SPTB: variants seen among roughly 807,000 people sequenced by gnomAD.
The protein encoded by SPTB is spectrin beta chain, erythrocytic.
In SPTB, 45 loss-of-function variants were observed where a neutral mutation model predicts 256.2. That is an observed-to-expected ratio of 0.18 (90% confidence interval 0.14 to 0.23). The LOEUF (loss-of-function observed/expected upper bound fraction) is 0.23, where lower values mean the gene tolerates loss of function less well. Ranked by LOEUF, SPTB falls within the 10% of genes least tolerant of loss-of-function variation. The pLI is 1.00. For synonymous variants in SPTB, 1,231 were observed against 1,243.1 expected, an observed-to-expected ratio of 0.99 and a Z score of 0.21; for missense variants, 2,715 against 3,040.4, an observed-to-expected ratio of 0.89 and a Z score of 2.52.
chr14:64,778,942 T>A lies in SPTB; in HGVS notation c.4563+215A>T, dbSNP rs2082412774. On this transcript the variant is annotated intron_variant, in intron 22 of 35. Coordinates refer to ENST00000644917, the MANE Select transcript of SPTB (RefSeq NM_001355436.2). The surrounding 1 kb of genome is among the most constrained non-coding windows in gnomAD (Gnocchi z 5.2). The stretch of plus-strand genomic sequence containing the variant: ...GCCCTGAATCCCCAACTACCTCCCC[T>A]CCTCTGTGATCCTCCCAGAATTTGC... 1.3e-5 allele frequency among the ~76,000 whole-genome samples: 2 copies of A among 151,954 alleles called. No individual in the cohort carries two copies. The highest frequency in any genetic ancestry group is 2.9e-5 in the Non-Finnish European group (2 of 67,984).
In SPTB at chr14:64,786,010, C is replaced by T; in HGVS notation, c.3562-59G>A. 6.4e-7 allele frequency: 1 copy of T among 1,570,998 alleles called. No individual in the cohort carries two copies. Among genetic ancestry groups the T allele is most frequent in the Non-Finnish European group, 8.7e-7 (1 of 1,146,046 alleles). ...ACACACGGAGGAGGTGATGAGCACACCTCCCAAGTGGGAGCACCACGTGCA... is the reference window on the plus strand; with the variant it reads ...ACACACGGAGGAGGTGATGAGCACATCTCCCAAGTGGGAGCACCACGTGCA... On this transcript the variant is annotated intron_variant, in intron 16 of 35. Transcript: ENST00000644917. This position sits in a 1 kb window ranked among gnomAD's most constrained non-coding sequence, Gnocchi z 5.6.
chr14:64,786,253 C>T lies in SPTB; in HGVS notation c.3561+151G>A. ...TGGGACACAAGGCTGGAAAAGGCCC[C>T]TAATGAGAAACAAAGATTTCCCCCA... On this transcript the variant is annotated intron_variant, in intron 16 of 35. Coordinates refer to ENST00000644917, the MANE Select transcript of SPTB (RefSeq NM_001355436.2). The surrounding 1 kb of genome is among the most constrained non-coding windows in gnomAD (Gnocchi z 5.6). 2 of 1,212,284 alleles carry T rather than the reference C, an allele frequency of 1.6e-6. No individual in the cohort carries two copies. Among genetic ancestry groups the T allele is most frequent in the South Asian group, 1.2e-5 (1 of 81,660 alleles). The allele number at this position is 1,212,284 out of a possible 1,614,324, so 75.1% of individuals were successfully genotyped here.
At chr14:64,768,295 C>G (rs1033866675) in intron 29 of SPTB, 29 of 267,630 alleles carry the variant, frequency 1.1e-4, no homozygotes, top group African/African-American at 5.5e-4. Context: ...CTGCCTTGGC[C>G]TCCCAAAGTG....
intron 1 of SPTB, among the ~76,000 whole-genome samples, chr14:64,868,684 G>C (rs961392245): frequency 6.6e-6 from 1 of 152,230 alleles, no homozygotes; most frequent in African/African-American, 2.4e-5. Flanking sequence ...AGCCCAGAGA[G>C]GGCAGAGGTT....
intron 9 of SPTB, 24 bp from the exon 10 acceptor site, chr14:64,797,870 A>T: frequency 6.3e-7 from 1 of 1,596,094 alleles, no homozygotes; most frequent in Non-Finnish European, 8.6e-7. Context: ...AGAAGTAGGA[A>T]GACTGATGTT....
chr14:64,750,190 T>C (rs968693953), intron 33 of SPTB, 36 bp from the exon 34 acceptor site: 9 of 1,602,572 alleles, frequency 5.6e-6, no homozygotes, highest in Non-Finnish European at 6.8e-6. Context: ...ACCCACATCC[T>C]GATATGGTAT....
In SPTB at chr14:64,806,482, A is replaced by G. The variant is rs2082986783; in HGVS notation, c.149-1392T>C. ...TGTGCTCGACTGAGCCTCAACCGTG[A>G]AAGGGCTGGCTTTTTAAATTATTAA... On this transcript the variant is annotated intron_variant, in intron 2 of 35. Coordinates refer to ENST00000644917, the MANE Select transcript of SPTB (RefSeq NM_001355436.2). The surrounding 1 kb of genome is among the most constrained non-coding windows in gnomAD (Gnocchi z 4.1). 1.3e-5 allele frequency among the ~76,000 whole-genome samples: 2 copies of G among 152,372 alleles called. No individual in the cohort carries two copies. The highest frequency in any genetic ancestry group is 1.9e-4 in the East Asian group (1 of 5,194).
intron 1 of SPTB, among the ~76,000 whole-genome samples, chr14:64,875,005 C>A (rs1566814866): frequency 3.3e-5 from 5 of 152,098 alleles, no homozygotes; most frequent in Admixed American, 3.3e-4. Context: ...AGAAAGGAAG[C>A]CCACTTTTGC....
At position 64,768,688 on chromosome 14, in the gene SPTB, C is replaced by T. The variant is rs550638744; in HGVS notation, c.6022+346G>A. On this transcript the variant is annotated intron_variant, in intron 29 of 35. Coordinates refer to ENST00000644917, the MANE Select transcript of SPTB (RefSeq NM_001355436.2). The stretch of plus-strand genomic sequence containing the variant: ...AACTCCTCCCCCGGACCCTCAACCC[C>T]TCCCCCAGGCCCCCAGCCCCTCCCC... Among the ~76,000 whole-genome samples, 19 of 139,300 alleles carry T rather than the reference C, an allele frequency of 1.4e-4. No individual in the cohort carries two copies. The East Asian group carries it at 4.7e-3, about 34-fold the overall frequency. 91.4% of individuals were successfully genotyped at this position (139,300 alleles called of 152,430 possible).
chr14:64,825,787 C>G lies in SPTB; in HGVS notation c.-51-2642G>C, dbSNP rs1259979379. Reference sequence around the variant, plus strand: ...GAAAGATGAGCCTGAGCAGGCCGACCAGCAGGCCCAGCGTTCAAGACAAGA... The same window carrying G: ...GAAAGATGAGCCTGAGCAGGCCGACGAGCAGGCCCAGCGTTCAAGACAAGA... On this transcript the variant is annotated intron_variant, in intron 1 of 35. Coordinates refer to ENST00000644917, the MANE Select transcript of SPTB (RefSeq NM_001355436.2). The surrounding 1 kb of genome is among the most constrained non-coding windows in gnomAD (Gnocchi z 4.8). Among the ~76,000 whole-genome samples the G allele has an allele frequency of 6.6e-6, 1 of 152,240 alleles. No individual in the cohort carries two copies.
chr14:64,859,114 C>T (rs568908169), intron 1 of SPTB, among the ~76,000 whole-genome samples: 2 of 150,010 alleles, frequency 1.3e-5, no homozygotes, highest in African/African-American at 5.1e-5. Flanking sequence ...ATTAGCCAGA[C>T]GTGGTGGCAC....
chr14:64,767,497 C>A (rs758398547), intron 30 of SPTB, 145 bp from the exon 31 acceptor site: 4 of 1,399,982 alleles, frequency 2.9e-6, no homozygotes, highest in Non-Finnish European at 3.0e-6. Context: ...CCTTTGCATT[C>A]GGAGGTCAGT....
rs868339479 is a variant in SPTB, at chr14:64,748,983, C to A, written c.*323G>T. 1.6e-5 allele frequency: 4 copies of A among 245,050 alleles called. No homozygotes were observed. The highest frequency in any genetic ancestry group is 2.4e-5 in the African/African-American group (1 of 42,362). The allele number at this position is 245,050 out of a possible 1,614,324, so 15.2% of individuals were successfully genotyped here. A position where few individuals can be genotyped will look rare whatever the true frequency, so the allele number is the denominator to read the frequency against. ...TGGGGGTAAGGGGCCTGTGCCCCCT[C>A]GGCTCAGGAGGAGGGTGGGAGAGGA... On this transcript the variant is annotated 3_prime_UTR_variant, in exon 36 of 36. Transcript: ENST00000644917.
intron 8 of SPTB, among the ~76,000 whole-genome samples, 199 bp from the exon 9 acceptor site, chr14:64,800,133 C>T (rs1454522223): frequency 6.6e-6 from 1 of 152,226 alleles, no homozygotes; most frequent in Non-Finnish European, 1.5e-5. Context: ...TGAGGCCCTC[C>T]TCTTGCCAAT....
intron 1 of SPTB, among the ~76,000 whole-genome samples, chr14:64,846,456 G>T (rs1358809578): frequency 6.6e-6 from 1 of 152,250 alleles, no homozygotes; most frequent in Admixed American, 6.5e-5. Flanking sequence ...TAGAGAGAGA[G>T]CACCTAGGTG....
In SPTB at chr14:64,866,438, C is replaced by A. The variant is rs1032604305; in HGVS notation, c.-52+13354G>T. On this transcript the variant is annotated intron_variant, in intron 1 of 35. Transcript: ENST00000644917. The surrounding 1 kb of genome is among the most constrained non-coding windows in gnomAD (Gnocchi z 4.6). ...GTCCCCTGCCCTTCTTTATCCCAGG[C>A]ACATCTTGCCAAGGCCTTTGAGGGC... 6.6e-6 allele frequency among the ~76,000 whole-genome samples: 1 copy of A among 152,192 alleles called. No homozygotes were observed. The highest frequency in any genetic ancestry group is 2.4e-5 in the African/African-American group (1 of 41,446).
intron 12 of SPTB, 29 bp from the exon 13 acceptor site, chr14:64,794,646 G>C: frequency 1.2e-6 from 2 of 1,611,996 alleles, no homozygotes; most frequent in Non-Finnish European, 1.7e-6. Context: ...GAAAGGAAAT[G>C]AGGAGAAGTG....
At chr14:64,854,780 C>T (rs748442218) in intron 1 of SPTB, among the ~76,000 whole-genome samples, 3 of 152,192 alleles carry the variant, frequency 2.0e-5, no homozygotes, top group Non-Finnish European at 4.4e-5. Context: ...AGGCCAAGGC[C>T]TCCAAGGCCT....
Position 64,796,570 on chromosome 14 carries a change from C to A in SPTB, c.1328G>T (p.Arg443Leu). The A allele has an allele frequency of 2.5e-6, 4 of 1,614,210 alleles. No homozygotes were observed. The highest frequency in any genetic ancestry group is 3.4e-6 in the Non-Finnish European group (4 of 1,180,026). The change falls in exon 11 of 36, where the codon CGC (arginine) becomes CTC (leucine). Residue 443 changes from arginine to leucine, a missense_variant. By Grantham distance (102) the Arg-to-Leu change is moderately radical. Coordinates refer to ENST00000644917, the MANE Select transcript of SPTB (RefSeq NM_001355436.2). This position sits in a 1 kb window ranked among gnomAD's most constrained non-coding sequence, Gnocchi z 4.1. Reference sequence around the variant, plus strand: ...GTCCCTCATTACCTGGGCCACGAGGCGCTGGTTTTCACTGAGCCAGGTCTC... The same window carrying A: ...GTCCCTCATTACCTGGGCCACGAGGAGCTGGTTTTCACTGAGCCAGGTCTC... ...MRETWLSENQ[R>L]LVAQDNFGYD... is the part of the protein sequence containing the mutation.
Sources: gnomAD v4.1 joint callset for allele counts (sites outside exome capture counted in the v4.1 genomes callset) on GRCh38, gnomAD v4.1.1 for gene constraint, Gnocchi (gnomAD v3.1) non-coding constraint, MANE v1.5 for transcripts, NCBI Gene and HGNC (gene_info 2026-07-23, HGNC 2026-07-21) for gene names.